Variants in ASB3 observed in about 807,000 individuals in gnomAD.
ASB3 encodes the protein ankyrin repeat and SOCS box containing 3, also known as ankyrin repeat and SOCS box protein 3.
A neutral mutation model predicts 54.5 loss-of-function variants in ASB3; 41 were observed. The ratio of observed to expected loss-of-function variants is 0.75; its 90% CI spans 0.59 to 0.98. The LOEUF (loss-of-function observed/expected upper bound fraction) is 0.98, where lower values mean the gene tolerates loss of function less well. Among genes scored for constraint, ASB3 ranks in the 50% least tolerant of loss-of-function variants. ASB3 has a pLI of 0.00. For missense variants in ASB3, 733 were observed against 620.0 expected, an observed-to-expected ratio of 1.18 and a Z score of -1.94; for synonymous variants, 266 against 221.2, an observed-to-expected ratio of 1.20 and a Z score of -1.80.
At chr2:53,746,897 C>T (rs189439475) in intron 3 of ASB3, among the ~76,000 whole-genome samples, 2 of 151,954 alleles carry the variant, frequency 1.3e-5, no homozygotes, top group African/African-American at 4.8e-5. Flanking sequence ...TTAGTCAATA[C>T]AAATTTACCA....
Position 53,774,607 on chromosome 2 carries a change from G to A in ASB3, c.-13-9022C>T, listed in dbSNP as rs1004820766. ...TTTACTTAAAGATCTTATTTTTAAT[G>A]TAGTGAGGATATTATTTAAACTTTT... On this transcript the variant is annotated intron_variant, in intron 1 of 9. Transcript: ENST00000263634. The A allele has an allele frequency of 3.9e-6, 4 of 1,027,590 alleles. No homozygotes were observed. In the African/African-American group the frequency reaches 4.9e-5, roughly 13 times the overall value. The allele number at this position is 1,027,590 out of a possible 1,614,324, so 63.7% of individuals were successfully genotyped here.
chr2:53,779,459 C>T (rs1674526131), intron 1 of ASB3, among the ~76,000 whole-genome samples: 1 of 151,256 alleles, frequency 6.6e-6, no homozygotes, highest in African/African-American at 2.4e-5. Context: ...TTTTTCAAGA[C>T]AGGGTCTCGC....
intron 9 of ASB3, among the ~76,000 whole-genome samples, chr2:53,677,242 T>C (rs540187806): frequency 9.2e-5 from 14 of 152,322 alleles, no homozygotes; most frequent in African/African-American, 3.4e-4. Flanking sequence ...ATCTAGTTTA[T>C]ATAAGAATAC....
At chr2:53,733,844 A>G (rs1334273441) in intron 3 of ASB3, among the ~76,000 whole-genome samples, 1 of 152,204 alleles carries the variant, frequency 6.6e-6, no homozygotes, top group African/African-American at 2.4e-5. Context: ...AAAGCCTTGA[A>G]CAGAGATTTA....
intron 7 of ASB3, among the ~76,000 whole-genome samples, chr2:53,705,394 C>A (rs888044087): frequency 2.0e-5 from 3 of 151,730 alleles, no homozygotes; most frequent in Non-Finnish European, 2.9e-5. Context: ...ACAAAACACA[C>A]AAAAAAAACA....
At chr2:53,670,824 C>A (rs1206162961) in intron 9 of ASB3, 134 bp from the exon 10 acceptor site, 3 of 1,018,574 alleles carry the variant, frequency 2.9e-6, no homozygotes, top group African/African-American at 3.3e-5. Context: ...TACTTTGAGT[C>A]AGTATGACCA....
At chr2:53,754,545 T>C (rs1672708235) in intron 2 of ASB3, among the ~76,000 whole-genome samples, 1 of 152,226 alleles carries the variant, frequency 6.6e-6, no homozygotes. Context: ...TATATTAAGC[T>C]AACTTTAAAA....
chr2:53,765,645 G>A (rs148450818), intron 1 of ASB3, 60 bp from the exon 2 acceptor site: 2 of 1,597,432 alleles, frequency 1.3e-6, no homozygotes, highest in African/African-American at 1.3e-5. Context: ...CACTCCTAGA[G>A]GTCAGCAAAT....
rs3062426 is a variant in ASB3 at position 53,762,171 on chromosome 2, CTGTG to C, written c.196+3202_196+3205del. On this transcript the variant is annotated intron_variant, in intron 2 of 9. Transcript: ENST00000263634. ...TTAATGGTAGTGAGAAGTGATCTAA[CTGTG>C]TGTGTGTGTGTGTGTGTGTATACAT... 3.9e-4 allele frequency among the ~76,000 whole-genome samples: 58 copies of C among 149,796 alleles called. 1 individual carries two copies. The highest frequency in any genetic ancestry group is 9.3e-4 in the Admixed American group (14 of 15,080).
Position 53,765,523 on chromosome 2 carries a change from G to A in ASB3, c.50C>T (p.Ala17Val). The A allele has an allele frequency of 6.2e-7, 1 of 1,614,198 alleles. No individual in the cohort carries two copies. Among genetic ancestry groups the A allele is most frequent in the South Asian group, 1.1e-5 (1 of 91,086 alleles). ...GACTTTAACATTGCCTTCCCTGGCA[G>A]CAAGTCCAACTGTAGAGCACGTGTC... ...YADTCSTVGL[A>V]AREGNVKVLR... is the part of the protein sequence containing the mutation. Residue 17 changes from alanine to valine, a missense_variant, in exon 2 of 10, where the codon GCT becomes GTT. Transcript: ENST00000263634.
intron 1 of ASB3, among the ~76,000 whole-genome samples, chr2:53,769,109 A>AT (rs1673708936): frequency 6.6e-6 from 1 of 152,242 alleles, no homozygotes; most frequent in Admixed American, 6.5e-5. Context: ...CTTAGGATAA[A>AT]TGCACATTTA....
intron 1 of ASB3, among the ~76,000 whole-genome samples, chr2:53,783,708 G>GA (rs1674779975): frequency 6.6e-6 from 1 of 152,158 alleles, no homozygotes; most frequent in Non-Finnish European, 1.5e-5. Flanking sequence ...GAGTTTTGAA[G>GA]AAAACAAAAT....
At chr2:53,718,740 A>G (rs1670532688) in intron 5 of ASB3, among the ~76,000 whole-genome samples, 1 of 151,938 alleles carries the variant, frequency 6.6e-6, no homozygotes, top group Non-Finnish European at 1.5e-5. Context: ...CCTGCCTAAA[A>G]GGCACACAGC....
chr2:53,671,809 GA>G (rs1477098403), intron 9 of ASB3, among the ~76,000 whole-genome samples: 1 of 149,220 alleles, frequency 6.7e-6, no homozygotes, highest in Admixed American at 6.6e-5. Flanking sequence ...TTTCCAAGAT[GA>G]AAAGTGTTAA....
At chr2:53,700,579 A>C (rs774754681) in intron 7 of ASB3, 51 bp from the exon 8 acceptor site, 6 of 1,552,482 alleles carry the variant, frequency 3.9e-6, no homozygotes, top group Non-Finnish European at 1.7e-6. Flanking sequence ...ACTTTGACAT[A>C]AGATACTTCT....
At chr2:53,785,988 A>G (rs1474439186) in intron 1 of ASB3, among the ~76,000 whole-genome samples, 1 of 152,218 alleles carries the variant, frequency 6.6e-6, no homozygotes, top group East Asian at 1.9e-4. Context: ...AAAAATTTTT[A>G]AGATAGAATA....
In ASB3 at chr2:53,767,818, G is replaced by A. The variant is rs988767566; in HGVS notation, c.-13-2233C>T. On this transcript the variant is annotated intron_variant, in intron 1 of 9. Transcript: ENST00000263634. ...CGCGGCCGGTTACTCGCTTACCGGA[G>A]GCTTCAGTCCCCGGCGGCGCGGCGA... 1.4e-5 allele frequency: 22 copies of A among 1,534,608 alleles called. 1 individual carries two copies. The highest frequency in any genetic ancestry group is 6.0e-5 in the Admixed American group (3 of 49,788).
At chr2:53,756,159 C>T (rs1672812824) in intron 2 of ASB3, among the ~76,000 whole-genome samples, 1 of 151,734 alleles carries the variant, frequency 6.6e-6, no homozygotes, top group African/African-American at 2.4e-5. Flanking sequence ...GAGTAAGACC[C>T]CATCTCTTTA....
At chr2:53,758,029 GA>G (rs1672932215) in intron 2 of ASB3, among the ~76,000 whole-genome samples, 1 of 152,170 alleles carries the variant, frequency 6.6e-6, no homozygotes, top group African/African-American at 2.4e-5. Flanking sequence ...AGAGAAAAGA[GA>G]GGGAGAGAGA....
Sources: gnomAD v4.1 joint callset for allele counts (sites outside exome capture counted in the v4.1 genomes callset) on GRCh38, gnomAD v4.1.1 for gene constraint, MANE v1.5 for transcripts, NCBI Gene and HGNC (gene_info 2026-07-23, HGNC 2026-07-21) for gene names.